Variants in PGAP6 observed in about 807,000 individuals in gnomAD.
PGAP6 encodes post-GPI attachment to proteins factor 6.
In PGAP6, 62 loss-of-function variants were observed where a neutral mutation model predicts 68.4. That is an observed-to-expected ratio of 0.91 (90% CI 0.74 to 1.12). PGAP6 has a LOEUF of 1.12. Ranked by LOEUF, PGAP6 falls within the 50% of genes most tolerant of loss-of-function variation. The pLI is 0.00. For synonymous variants in PGAP6, 575 were observed against 474.0 expected (o/e 1.21, Z -2.77); for missense variants, 1,188 against 1,068.5 (o/e 1.11, Z -1.56).
upstream of PGAP6, chr16:386,873 AAAG>A (rs548264428): frequency 1.8e-3 from 1,155 of 652,704 alleles, 4 homozygotes; most frequent in South Asian, 2.8e-3. Flanking sequence ...GCCACATAAA[AAAG>A]AAGACCCGCA....
Position 374,374 on chromosome 16 carries a change from G to A in PGAP6, c.1602C>T (p.Asp534=). The change falls in exon 10 of 13, where the codon GAC becomes GAT. Residue 534 remains aspartate, a synonymous_variant. Transcript: ENST00000431232. ...GGGCCACCGTCTGGGCTGTGCTGTT[G>A]TCCGTGCAGCTCCACCCACGCCAGC... The part of the protein sequence containing the change: ...KAGWRGWSCT[D]NSTAQTVAQQ... 1 of 1,590,924 alleles carries A rather than the reference G, an allele frequency of 6.3e-7. No homozygotes were observed. Among genetic ancestry groups the A allele is most frequent in the Non-Finnish European group, 8.5e-7 (1 of 1,173,590 alleles).
At chr16:375,108 C>G (rs1289635585) in intron 8 of PGAP6, 25 bp downstream of exon 8, 4 of 1,610,892 alleles carry the variant, frequency 2.5e-6, no homozygotes, top group East Asian at 2.2e-5. Flanking sequence ...TGCCTGGCCC[C>G]CGTCTCTGCC....
chr16:385,781 C>T (rs1347483256), upstream of PGAP6, among the ~76,000 whole-genome samples: 5 of 150,900 alleles, frequency 3.3e-5, no homozygotes, highest in Admixed American at 1.3e-4. Flanking sequence ...CCTGCCAACA[C>T]ACCCGGCTAA....
At chr16:386,392 C>A (rs2054484980), upstream of PGAP6, among the ~76,000 whole-genome samples, 1 of 152,130 alleles carries the variant, frequency 6.6e-6, no homozygotes, top group Non-Finnish European at 1.5e-5. Context: ...TTCCCTCTGT[C>A]TGTTCATGGC....
rs750624669 is a variant in PGAP6, at chr16:376,625, C to A, written c.823G>T (p.Asp275Tyr). Residue 275 changes from aspartate to tyrosine, a missense_variant, in exon 5 of 13, where the codon GAC (aspartate) becomes TAC (tyrosine). Physicochemically the swap from Asp to Tyr is radical, Grantham distance 160 (BLOSUM62 -3). Coordinates refer to ENST00000431232, the MANE Select transcript of PGAP6 (RefSeq NM_021259.3). ...CRLLLPSPPW[D>Y]RWLQVTAESL... is the part of the protein sequence containing the mutation. ...TCAGCTGTCACTTGCAGCCACCGGT[C>A]CCAGGGCGGTGAGGGCAGCAGCAGG... is the stretch of plus-strand genomic sequence containing the variant. 5 of 1,601,364 alleles carry A rather than the reference C, an allele frequency of 3.1e-6. No individual in the cohort carries two copies. In the South Asian group the frequency reaches 5.6e-5, roughly 18 times the overall value.
At chr16:384,396 T>C (rs1354536547), upstream of PGAP6, 1 of 152,230 alleles carries the variant, frequency 6.6e-6, no homozygotes, top group Admixed American at 6.5e-5. Flanking sequence ...GAGAGACTCT[T>C]CTGTAACAGG....
chr16:377,327 G>A, intron 3 of PGAP6, 51 bp downstream of exon 3: 2 of 1,547,618 alleles, frequency 1.3e-6, no homozygotes, highest in Non-Finnish European at 1.7e-6. Flanking sequence ...GCAGGGACAG[G>A]CCATCGCCGC....
chr16:371,367 G>A lies in PGAP6; in HGVS notation c.*620C>T, dbSNP rs2054329828. 6.6e-6 allele frequency: 1 copy of A among 150,708 alleles called. No homozygotes were observed. The highest frequency in any genetic ancestry group is 1.5e-5 in the Non-Finnish European group (1 of 68,092). The allele number at this position is 150,708 out of a possible 1,614,324, so 9.3% of individuals were successfully genotyped here. A position where few individuals can be genotyped will look rare whatever the true frequency, so the allele number is the denominator to read the frequency against. On this transcript the variant is annotated 3_prime_UTR_variant, in exon 13 of 13. Transcript: ENST00000431232. ...CCAGTCCAAGGAAGCTCTTCTCAGG[G>A]ACCCAAGGCTCCAGAGCCAGGAAAA...
Position 371,387 on chromosome 16 carries a change from G to A in PGAP6, c.*600C>T, listed in dbSNP as rs116122370. 7,145 of 153,380 alleles carry A rather than the reference G, an allele frequency of 0.047. 478 individuals are homozygous for A. The highest frequency in any genetic ancestry group is 0.15 in the African/African-American group (6,025 of 41,492). 9.5% of individuals were successfully genotyped at this position (153,380 alleles called of 1,614,324 possible). ...TCAGGGACCCAAGGCTCCAGAGCCAGGAAAAAGGGAGGGGCGGGGCGGGAG... is the reference window on the plus strand; with the variant it reads ...TCAGGGACCCAAGGCTCCAGAGCCAAGAAAAAGGGAGGGGCGGGGCGGGAG... On this transcript the variant is annotated 3_prime_UTR_variant, in exon 13 of 13. Coordinates refer to ENST00000431232, the MANE Select transcript of PGAP6 (RefSeq NM_021259.3).
chr16:374,720 G>T, intron 9 of PGAP6, 36 bp downstream of exon 9: 2 of 1,609,478 alleles, frequency 1.2e-6, no homozygotes, highest in Non-Finnish European at 1.7e-6. Flanking sequence ...GCCAACAGCA[G>T]CAGCGTCTCG....
chr16:372,156 T>A lies in PGAP6; in HGVS notation c.2147A>T (p.Asp716Val). ...GATGCTGTGGGTGTAGTAGTAGTTG[T>A]CGCTAGTCATCATGGAGGTGTAGAT... ...IAIYTSMMTS[D>V]NYYYTHSIWH... The change falls in exon 13 of 13, where the codon GAC becomes GTC. Residue 716 changes from aspartate to valine, a missense_variant. Coordinates refer to ENST00000431232, the MANE Select transcript of PGAP6 (RefSeq NM_021259.3). 6.2e-7 allele frequency: 1 copy of A among 1,612,836 alleles called. No individual in the cohort carries two copies. Among genetic ancestry groups the A allele is most frequent in the Non-Finnish European group, 8.5e-7 (1 of 1,179,930 alleles).
rs376258997 is a variant in PGAP6 at position 375,110 on chromosome 16, G to A, written c.1439+23C>T. On this transcript the variant is annotated intron_variant, in intron 8 of 12. Transcript: ENST00000431232. ...TGAAATGACAGGGTGCCTGGCCCCCGTCTCTGCCCTAGGTTTACTTACTCA... is the reference window on the plus strand; with the variant it reads ...TGAAATGACAGGGTGCCTGGCCCCCATCTCTGCCCTAGGTTTACTTACTCA... 634 of 1,611,290 alleles carry A rather than the reference G, an allele frequency of 3.9e-4. 2 individuals are homozygous for A. Among genetic ancestry groups the A allele is most frequent in the South Asian group, 1.9e-3 (177 of 90,912 alleles).
In PGAP6 at chr16:375,356, T is replaced by C. The variant is rs1452768035; in HGVS notation, c.1304A>G (p.Asn435Ser). The C allele has an allele frequency of 1.2e-5, 19 of 1,612,790 alleles. No individual in the cohort carries two copies. Among genetic ancestry groups the C allele is most frequent in the Non-Finnish European group, 1.4e-5 (16 of 1,179,922 alleles). The change falls in exon 7 of 13, where the codon AAC becomes AGC. Residue 435 changes from asparagine to serine, a missense_variant. Coordinates refer to ENST00000431232, the MANE Select transcript of PGAP6 (RefSeq NM_021259.3). ...SPFLGFNTSL[N>S]CTTAFFQGYP... ...CCTGCCCATCATACCTGTGGTGCAG[T>C]TGAGCGAAGTATTGAAGCCAAGGAA... is the stretch of plus-strand genomic sequence containing the variant.
At chr16:374,670 C>A (rs532438248) in intron 9 of PGAP6, 86 bp downstream of exon 9, 2 of 1,549,800 alleles carry the variant, frequency 1.3e-6, no homozygotes, top group East Asian at 2.3e-5. Context: ...CAGCCCCTTG[C>A]GGCGCTCCCC....
chr16:381,406 G>C (rs766726987), intron 1 of PGAP6, among the ~76,000 whole-genome samples: 60 of 152,086 alleles, frequency 3.9e-4, no homozygotes. Context: ...TCCCCGCGCC[G>C]GGCGCGCCGG....
chr16:383,003 C>A (rs1246796649), upstream of PGAP6, among the ~76,000 whole-genome samples: 1 of 152,214 alleles, frequency 6.6e-6, no homozygotes, highest in Non-Finnish European at 1.5e-5. Flanking sequence ...ACTACTCCAG[C>A]TACTCCGGAG....
At chr16:375,805 C>T (rs947646843) in intron 6 of PGAP6, among the ~76,000 whole-genome samples, 11 of 152,202 alleles carry the variant, frequency 7.2e-5, no homozygotes, top group African/African-American at 2.6e-4. Context: ...GCTGGGATTA[C>T]AGGCGTGAGC....
chr16:372,275 G>A lies in PGAP6; in HGVS notation c.2028C>T (p.Arg676=), dbSNP rs1298705654. Residue 676 remains arginine (R), a synonymous_variant, in exon 13 of 13, where the codon CGC becomes CGT. Transcript: ENST00000431232. Reference sequence around the variant, plus strand: ...GGTAGCACTGGCGCCGGTGCCCGCAGCGGTAAGCCTGGAGAAAACAGCCAC... The same window carrying A: ...GGTAGCACTGGCGCCGGTGCCCGCAACGGTAAGCCTGGAGAAAACAGCCAC... ...FVIMASMWAY[R]CGHRRQCYPT... 6.2e-7 allele frequency: 1 copy of A among 1,608,734 alleles called. No homozygotes were observed. The highest frequency in any genetic ancestry group is 2.2e-5 in the East Asian group (1 of 44,848).
rs897630118 is a variant in PGAP6 at position 374,159 on chromosome 16, G to C, written c.1756-8C>G. ...GTCGCAGGCGTGGTAGAACTGTGGG[G>C]AGGCTCCATGAGCGCGGTCCTGCCC... On this transcript the variant is annotated splice_region_variant and splice_polypyrimidine_tract_variant and intron_variant, in intron 10 of 12. Transcript: ENST00000431232. 6.2e-7 allele frequency: 1 copy of C among 1,610,556 alleles called. No individual in the cohort carries two copies. Among genetic ancestry groups the C allele is most frequent in the African/African-American group, 1.3e-5 (1 of 74,920 alleles).
Sources: gnomAD v4.1 joint callset for allele counts (sites outside exome capture counted in the v4.1 genomes callset) on GRCh38, gnomAD v4.1.1 for gene constraint, MANE v1.5 for transcripts, NCBI Gene and HGNC (gene_info 2026-07-23, HGNC 2026-07-21) for gene names.